ANXA8: variants seen among roughly 807,000 people sequenced by gnomAD.
ANXA8 encodes the protein annexin A8.
In ANXA8, 9 loss-of-function variants were observed where a neutral mutation model predicts 26.8. That is an observed-to-expected ratio of 0.34 (90% CI 0.20 to 0.59). ANXA8 has a LOEUF of 0.59. Among genes scored for constraint, ANXA8 ranks in the 20% least tolerant of loss-of-function variants. The pLI, the probability that ANXA8 is intolerant of heterozygous loss-of-function variation, is 0.84. For synonymous variants in ANXA8, 39 were observed against 94.8 expected (o/e 0.41, Z 3.42); for missense variants, 83 against 238.5 (o/e 0.35, Z 4.29).
At chr10:47,755,245 G>A in the ANXA8 span, among the ~76,000 whole-genome samples, 127 of 150,806 alleles carry the variant, frequency 8.4e-4, no homozygotes, top group African/African-American at 3.0e-3. Context: ...GTGAGCCACC[G>A]CACCCAGCCA....
the ANXA8 span, among the ~76,000 whole-genome samples, chr10:47,557,889 T>C: frequency 6.6e-6 from 1 of 151,984 alleles, no homozygotes; most frequent in Non-Finnish European, 1.5e-5. Flanking sequence ...CTGAATCTTT[T>C]TTAAAGTAAT....
chr10:47,671,879 T>C, the ANXA8 span, among the ~76,000 whole-genome samples: 2 of 151,814 alleles, frequency 1.3e-5, no homozygotes. Context: ...TTCTTTTTTT[T>C]TTTATTTTGT....
At chr10:47,943,650 T>G in the ANXA8 span, among the ~76,000 whole-genome samples, 1 of 151,604 alleles carries the variant, frequency 6.6e-6, no homozygotes, top group South Asian at 2.1e-4. Context: ...GTAGGAGGGC[T>G]TTGGGCTACA....
At chr10:47,729,702 G>A in the ANXA8 span, among the ~76,000 whole-genome samples, 11 of 151,498 alleles carry the variant, frequency 7.3e-5, no homozygotes, top group African/African-American at 1.2e-4. Flanking sequence ...TGGTCTGAAC[G>A]GTGTGTTATC....
At chr10:47,562,159 T>G in the ANXA8 span, among the ~76,000 whole-genome samples, 1 of 151,874 alleles carries the variant, frequency 6.6e-6, no homozygotes, top group Non-Finnish European at 1.5e-5. Flanking sequence ...GAATATGCTC[T>G]TTATGATCTG....
At chr10:47,645,602 G>A in the ANXA8 span, among the ~76,000 whole-genome samples, 1 of 151,596 alleles carries the variant, frequency 6.6e-6, no homozygotes, top group African/African-American at 2.4e-5. Context: ...AATTAACAAA[G>A]ACGTGAATTG....
intron 11 of ANXA8, 152 bp from the exon 12 acceptor site, chr10:47,469,058 C>T (rs1270380736): frequency 7.9e-6 from 10 of 1,268,400 alleles, no homozygotes; most frequent in Non-Finnish European, 9.9e-6. Flanking sequence ...TGCCATCACC[C>T]CTCTTTCCTT....
the ANXA8 span, among the ~76,000 whole-genome samples, chr10:47,745,919 G>GACA: frequency 1.9e-4 from 29 of 151,152 alleles, no homozygotes; most frequent in African/African-American, 6.8e-4. Flanking sequence ...GAGAGACACA[G>GACA]ATATGCATCT....
chr10:47,474,925 C>T lies in ANXA8; in HGVS notation c.552+20G>A. On this transcript the variant is annotated intron_variant, in intron 7 of 11. Transcript: ENST00000585281. ...GATGGCAGGGGGTGGGGCCACATGG[C>T]CGGCTGGGCGCAGCCTCACCTGTGC... 1 of 1,533,286 alleles carries T rather than the reference C, an allele frequency of 6.5e-7. No individual in the cohort carries two copies. The highest frequency in any genetic ancestry group is 8.8e-7 in the Non-Finnish European group (1 of 1,133,596). 95.0% of individuals were successfully genotyped at this position (1,533,286 alleles called of 1,614,324 possible).
At chr10:47,653,418 A>G in the ANXA8 span, among the ~76,000 whole-genome samples, 1 of 151,300 alleles carries the variant, frequency 6.6e-6, no homozygotes, top group African/African-American at 2.4e-5. Flanking sequence ...GAATAGCCAA[A>G]ATATATTTTG....
At chr10:47,951,536 C>A in the ANXA8 span, among the ~76,000 whole-genome samples, 2 of 150,558 alleles carry the variant, frequency 1.3e-5, no homozygotes, top group Non-Finnish European at 2.9e-5. Context: ...TGCAGCTGGG[C>A]ACCATGCTCA....
the ANXA8 span, among the ~76,000 whole-genome samples, chr10:47,938,032 G>A: frequency 7.8e-5 from 5 of 63,942 alleles, no homozygotes; most frequent in Admixed American, 1.5e-4. Context: ...ATTCCTTTGC[G>A]TATATACCCA....
the ANXA8 span, among the ~76,000 whole-genome samples, chr10:47,988,815 C>T: frequency 6.6e-6 from 1 of 151,754 alleles, no homozygotes; most frequent in Non-Finnish European, 1.5e-5. Flanking sequence ...TCTCCTGTTC[C>T]CAAAGTCCAT....
At chr10:47,469,312 C>T (rs1334489537) in intron 11 of ANXA8, among the ~76,000 whole-genome samples, 2 of 151,862 alleles carry the variant, frequency 1.3e-5, no homozygotes, top group Non-Finnish European at 2.9e-5. Context: ...GGCATCAGCA[C>T]ACACCTGGGG....
At chr10:47,621,345 A>G in the ANXA8 span, among the ~76,000 whole-genome samples, 1 of 111,668 alleles carries the variant, frequency 9.0e-6, no homozygotes, top group South Asian at 2.9e-4. Flanking sequence ...TAGATACATT[A>G]TTCATGTACC....
the ANXA8 span, among the ~76,000 whole-genome samples, chr10:47,528,185 T>G: frequency 1.4e-5 from 2 of 139,750 alleles, no homozygotes; most frequent in Non-Finnish European, 1.6e-5. Flanking sequence ...GTTCATGCCA[T>G]TCTCCTGCCT....
At chr10:47,485,812 T>G (rs1840030910), upstream of ANXA8, among the ~76,000 whole-genome samples, 2 of 148,622 alleles carry the variant, frequency 1.3e-5, no homozygotes, top group African/African-American at 2.5e-5. Context: ...CATCAGTCTC[T>G]AAATAAATAT....
the ANXA8 span, among the ~76,000 whole-genome samples, chr10:47,979,590 C>G: frequency 6.6e-6 from 1 of 151,384 alleles, no homozygotes; most frequent in African/African-American, 2.4e-5. Flanking sequence ...AGTGGAGACA[C>G]TTTCCTAACC....
chr10:47,989,333 G>T, the ANXA8 span, among the ~76,000 whole-genome samples: 4 of 114,676 alleles, frequency 3.5e-5, no homozygotes, highest in African/African-American at 9.0e-5. Flanking sequence ...CCCAGCACTC[G>T]GGGGCTGTGG....
Sources: allele counts gnomAD v4.1 joint callset (sites outside exome capture counted in the v4.1 genomes callset), GRCh38; gene constraint gnomAD v4.1.1; transcripts MANE v1.5; gene names NCBI Gene and HGNC (gene_info 2026-07-23, HGNC 2026-07-21).